BCAS1: variants seen among roughly 807,000 people sequenced by gnomAD.
BCAS1 encodes brain enriched myelin associated protein 1.
Under a neutral mutation model 65.4 loss-of-function variants are expected in BCAS1, and 46 were observed. That is an observed-to-expected ratio of 0.70 (90% confidence interval 0.55 to 0.90). The LOEUF is 0.90. Ranked by LOEUF, BCAS1 falls within the 40% of genes least tolerant of loss-of-function variation. BCAS1 has a pLI of 0.00. For missense variants in BCAS1, 793 were observed against 771.2 expected, an observed-to-expected ratio of 1.03 and a Z score of -0.33; for synonymous variants, 298 against 293.5, an observed-to-expected ratio of 1.02 and a Z score of -0.16.
chr20:54,009,425 T>C (rs1364705726), intron 4 of BCAS1, among the ~76,000 whole-genome samples: 2 of 152,100 alleles, frequency 1.3e-5, no homozygotes, highest in Non-Finnish European at 1.5e-5. Context: ...CAAAACTGGA[T>C]AGGAGAATGC....
chr20:53,965,930 AT>A (rs1462935357), intron 10 of BCAS1, among the ~76,000 whole-genome samples: 1 of 152,190 alleles, frequency 6.6e-6, no homozygotes, highest in Non-Finnish European at 1.5e-5. Context: ...ATGCTGTTGT[AT>A]GCCAAAATTT....
chr20:54,038,780 A>C (rs1024169061), intron 3 of BCAS1, among the ~76,000 whole-genome samples: 3 of 151,440 alleles, frequency 2.0e-5, no homozygotes, highest in Non-Finnish European at 4.4e-5. Context: ...ATGCATCAAT[A>C]TCCTGATCTG....
chr20:53,990,850 C>G (rs180745469), intron 7 of BCAS1, among the ~76,000 whole-genome samples: 271 of 152,334 alleles, frequency 1.8e-3, no homozygotes, highest in Middle Eastern at 0.01. Context: ...GAATGCCACT[C>G]AAGGCAAAAC....
chr20:53,971,206 G>A (rs936514987), intron 9 of BCAS1, among the ~76,000 whole-genome samples: 1 of 152,206 alleles, frequency 6.6e-6, no homozygotes, highest in Non-Finnish European at 1.5e-5. Flanking sequence ...TGGAACATGG[G>A]TAGAAATGAC....
At chr20:54,062,140 T>C (rs553232379) in intron 1 of BCAS1, among the ~76,000 whole-genome samples, 3 of 152,322 alleles carry the variant, frequency 2.0e-5, no homozygotes, top group Admixed American at 6.5e-5. Flanking sequence ...CAGACACCTA[T>C]GGCCTGCAAA....
rs117468584 is a variant in BCAS1, at chr20:54,042,187, A to C, written c.143-13215T>G. Among the ~76,000 whole-genome samples, 654 of 152,270 alleles carry C rather than the reference A, an allele frequency of 4.3e-3. 5 individuals are homozygous for C. The highest frequency in any genetic ancestry group is 0.015 in the South Asian group (73 of 4,828). On this transcript the variant is annotated intron_variant, in intron 3 of 12. Transcript: ENST00000688948. ...TAGTAGAAACCTGGTTAAATAAATT[A>C]TCATATGTCCTTGAGGACACAGGGA...
At position 53,966,898 on chromosome 20, in the gene BCAS1, G is replaced by A; in HGVS notation, c.1485+8C>T. 1 of 1,601,912 alleles carries A rather than the reference G, an allele frequency of 6.2e-7. No individual in the cohort carries two copies. Among genetic ancestry groups the A allele is most frequent in the Non-Finnish European group, 8.5e-7 (1 of 1,176,198 alleles). On this transcript the variant is annotated splice_region_variant and intron_variant, in intron 10 of 12. Transcript: ENST00000688948. The stretch of plus-strand genomic sequence containing the variant: ...TTAGGTTTCCTATACTGGAAGTAAG[G>A]GGCTTACCATTTGTCTGAGAAACGC...
At chr20:54,000,363 TTG>T (rs113945349) in intron 4 of BCAS1, among the ~76,000 whole-genome samples, 36,738 of 152,042 alleles carry the variant, frequency 0.24, 4,910 homozygotes, top group African/African-American at 0.37. Context: ...ACTTGTCATT[TTG>T]TGTTTTGTTC....
intron 1 of BCAS1, among the ~76,000 whole-genome samples, chr20:54,062,377 A>T (rs544243271): frequency 6.6e-6 from 1 of 152,322 alleles, no homozygotes; most frequent in East Asian, 1.9e-4. Context: ...AGGTATTATT[A>T]TTTCAATTTT....
intron 3 of BCAS1, among the ~76,000 whole-genome samples, chr20:54,056,224 T>C (rs1328303311): frequency 6.6e-6 from 1 of 151,894 alleles, no homozygotes; most frequent in African/African-American, 2.4e-5. Flanking sequence ...ATGTGTTGAA[T>C]ATATATATAC....
intron 1 of BCAS1, among the ~76,000 whole-genome samples, chr20:54,064,060 T>C (rs1053544410): frequency 6.6e-6 from 1 of 152,196 alleles, no homozygotes; most frequent in African/African-American, 2.4e-5. Context: ...TGGGGGTTGA[T>C]TGTGGAGGTT....
In BCAS1 at chr20:53,944,665, T is replaced by A. The variant is rs1600668370; in HGVS notation, c.*257A>T. ...ACATTCCTCTATTCCCTCCCTTTCCTGCTTGGTGATCATCGACTCTTCTGA... is the reference window on the plus strand; with the variant it reads ...ACATTCCTCTATTCCCTCCCTTTCCAGCTTGGTGATCATCGACTCTTCTGA... On this transcript the variant is annotated 3_prime_UTR_variant, in exon 13 of 13. Transcript: ENST00000688948. The A allele has an allele frequency of 8.8e-6, 4 of 453,518 alleles. No individual in the cohort carries two copies. In the East Asian group the frequency reaches 1.6e-4, roughly 18 times the overall value. 28.1% of individuals were successfully genotyped at this position (453,518 alleles called of 1,614,324 possible). A position where few individuals can be genotyped will look rare whatever the true frequency, so the allele number is the denominator to read the frequency against.
intron 1 of BCAS1, among the ~76,000 whole-genome samples, chr20:54,067,697 G>A (rs1048820352): frequency 6.6e-6 from 1 of 152,222 alleles, no homozygotes; most frequent in African/African-American, 2.4e-5. Flanking sequence ...CCCCATGCAA[G>A]CTGGCCTGGA....
intron 4 of BCAS1, among the ~76,000 whole-genome samples, chr20:54,025,489 A>T (rs2091651304): frequency 6.6e-6 from 1 of 152,226 alleles, no homozygotes; most frequent in African/African-American, 2.4e-5. Context: ...TTTGCCCTGA[A>T]TGTAGTTTTA....
In BCAS1 at chr20:54,036,875, T is replaced by A. The variant is rs193067667; in HGVS notation, c.143-7903A>T. On this transcript the variant is annotated intron_variant, in intron 3 of 12. Coordinates refer to ENST00000688948, the MANE Select transcript of BCAS1 (RefSeq NM_001366298.2). ...AACAGTAGTGATATAAATCAATTTATCTTAAGAAACATAAGTATCTGGGCC... is the reference window on the plus strand; with the variant it reads ...AACAGTAGTGATATAAATCAATTTAACTTAAGAAACATAAGTATCTGGGCC... Among the ~76,000 whole-genome samples, 148 of 151,512 alleles carry A rather than the reference T, an allele frequency of 9.8e-4. 2 individuals carry two copies. Among genetic ancestry groups the A allele is most frequent in the African/African-American group, 3.1e-3 (128 of 41,466 alleles).
chr20:53,990,084 AGAG>A (rs1290886466), intron 7 of BCAS1, among the ~76,000 whole-genome samples: 1 of 152,114 alleles, frequency 6.6e-6, no homozygotes, highest in Non-Finnish European at 1.5e-5. Flanking sequence ...GGTGTGGGAG[AGAG>A]GAGATGTTAG....
intron 10 of BCAS1, 81 bp from the exon 11 acceptor site, chr20:53,957,578 C>G: frequency 1.5e-6 from 2 of 1,302,678 alleles, no homozygotes; most frequent in Non-Finnish European, 2.2e-6. Context: ...AATGGATGAT[C>G]TCAGTCATTT....
intron 4 of BCAS1, among the ~76,000 whole-genome samples, chr20:54,003,091 G>A (rs980883360): frequency 2.0e-5 from 3 of 152,116 alleles, no homozygotes; most frequent in Admixed American, 6.5e-5. Context: ...AGACAAGGTC[G>A]TCTCATGGAA....
chr20:54,033,160 G>C (rs998716943), intron 3 of BCAS1, among the ~76,000 whole-genome samples: 1 of 151,102 alleles, frequency 6.6e-6, no homozygotes, highest in African/African-American at 2.4e-5. Context: ...AGTGTTAAGA[G>C]GGAAATTTAT....
Sources: gnomAD v4.1 joint callset for allele counts (sites outside exome capture counted in the v4.1 genomes callset) on GRCh38, gnomAD v4.1.1 for gene constraint, MANE v1.5 for transcripts, NCBI Gene and HGNC (gene_info 2026-07-23, HGNC 2026-07-21) for gene names.